Variants in BORCS5 observed in about 807,000 individuals in gnomAD.
The protein encoded by BORCS5 is BLOC-1-related complex subunit 5.
BORCS5 carries 17 observed loss-of-function variants against 22.1 expected under a neutral mutation model. The ratio of observed to expected loss-of-function variants is 0.77; its 90% confidence interval spans 0.53 to 1.15. The LOEUF is 1.15. Among genes scored for constraint, BORCS5 ranks in the 50% most tolerant of loss-of-function variants. BORCS5 has a pLI of 0.00. For missense variants in BORCS5, 247 were observed against 253.2 expected (o/e 0.98, Z 0.17); for synonymous variants, 117 against 99.8 (o/e 1.17, Z -1.03).
At chr12:12,435,182 TCAGA>T (rs1305943747) in intron 2 of BORCS5, among the ~76,000 whole-genome samples, 2 of 152,222 alleles carry the variant, frequency 1.3e-5, no homozygotes, top group Non-Finnish European at 2.9e-5. Context: ...TCTCAGTTTT[TCAGA>T]CAACCATTTT....
intron 3 of BORCS5, among the ~76,000 whole-genome samples, chr12:12,461,979 C>T (rs532656772): frequency 7.2e-5 from 11 of 152,166 alleles, no homozygotes; most frequent in Non-Finnish European, 1.3e-4. Flanking sequence ...TGTTTCTGGG[C>T]CTGAGTTTCC....
chr12:12,439,040 G>A (rs1192003355), intron 3 of BORCS5, among the ~76,000 whole-genome samples: 1 of 152,096 alleles, frequency 6.6e-6, no homozygotes, highest in Admixed American at 6.5e-5. Flanking sequence ...GCCTTATTTT[G>A]AATTTTACCA....
intron 2 of BORCS5, among the ~76,000 whole-genome samples, chr12:12,398,161 C>T (rs913281835): frequency 1.3e-5 from 2 of 152,148 alleles, no homozygotes; most frequent in Non-Finnish European, 2.9e-5. Context: ...ACAGGGAAAA[C>T]AATGCAGTGA....
In BORCS5 at chr12:12,465,461, T is replaced by C. The variant is rs1943182942; in HGVS notation, c.361-85T>C. 4 of 1,169,466 alleles carry C rather than the reference T, an allele frequency of 3.4e-6. No homozygotes were observed. The South Asian group carries it at 4.1e-5, about 12-fold the overall frequency. 72.4% of individuals were successfully genotyped at this position (1,169,466 alleles called of 1,614,324 possible). ...TCAGCTTCCACTGGATCTGCGGGAC[T>C]GTGTCCCTCACAGGCTGGACACCCG... On this transcript the variant is annotated intron_variant, in intron 3 of 3. Transcript: ENST00000314565.
Position 12,425,333 on chromosome 12 carries a change from T to C in BORCS5, c.203-10295T>C, listed in dbSNP as rs558215722. On this transcript the variant is annotated intron_variant, in intron 2 of 3. Coordinates refer to ENST00000314565, the MANE Select transcript of BORCS5 (RefSeq NM_058169.6). ...ATCAGACAGAGTGCACCAGTGCAAT[T>C]ATTTAGTTGGGAAGATAAATTCCTG... is the stretch of plus-strand genomic sequence containing the variant. Among the ~76,000 whole-genome samples the C allele has an allele frequency of 9.2e-5, 14 of 152,348 alleles. 1 individual carries two copies. The South Asian group carries it at 2.9e-3, about 32-fold the overall frequency.
chr12:12,414,169 C>CA (rs1241422067), intron 2 of BORCS5, among the ~76,000 whole-genome samples: 1 of 100,576 alleles, frequency 9.9e-6, no homozygotes, highest in Non-Finnish European at 2.1e-5. Flanking sequence ...CTGACCCCCC[C>CA]ACCTCCCTCC....
intron 2 of BORCS5, among the ~76,000 whole-genome samples, chr12:12,379,618 T>A (rs1423926022): frequency 6.6e-6 from 1 of 151,422 alleles, no homozygotes; most frequent in Non-Finnish European, 1.5e-5. Context: ...CATTAAGCAA[T>A]CCACTAGAAT....
intron 2 of BORCS5, among the ~76,000 whole-genome samples, chr12:12,406,053 G>T (rs370611406): frequency 6.6e-6 from 1 of 152,204 alleles, no homozygotes; most frequent in African/African-American, 2.4e-5. Context: ...TTTGCCACAG[G>T]GATTGCTTCT....
At chr12:12,374,068 A>T (rs1306534877) in intron 2 of BORCS5, among the ~76,000 whole-genome samples, 1 of 146,146 alleles carries the variant, frequency 6.8e-6, no homozygotes, top group African/African-American at 2.7e-5. Context: ...GCTCACTGCA[A>T]GCTCTGCCTC....
chr12:12,426,952 C>T (rs535087514), intron 2 of BORCS5, among the ~76,000 whole-genome samples: 2 of 152,096 alleles, frequency 1.3e-5, no homozygotes, highest in Non-Finnish European at 2.9e-5. Flanking sequence ...TCTGCACTTG[C>T]AGTTTCTTCT....
At chr12:12,394,480 G>A (rs999714641) in intron 2 of BORCS5, among the ~76,000 whole-genome samples, 2 of 151,918 alleles carry the variant, frequency 1.3e-5, no homozygotes, top group Non-Finnish European at 2.9e-5. Context: ...GCTGTTCAGG[G>A]AGTTGGAATT....
chr12:12,431,552 C>T (rs1942426991), intron 2 of BORCS5, among the ~76,000 whole-genome samples: 1 of 151,944 alleles, frequency 6.6e-6, no homozygotes, highest in Non-Finnish European at 1.5e-5. Context: ...CAGGTGCCTG[C>T]CACCATGCCC....
In BORCS5 at chr12:12,465,952, T is replaced by C. The variant is rs1301330573; in HGVS notation, c.*176T>C. On this transcript the variant is annotated 3_prime_UTR_variant, in exon 4 of 4. Coordinates refer to ENST00000314565, the MANE Select transcript of BORCS5 (RefSeq NM_058169.6). Reference sequence around the variant, plus strand: ...GACTTTGCCCAGCTCTTTTCCTTGATGCAGTTTCCCGGTGTGGAAGGAACC... The same window carrying C: ...GACTTTGCCCAGCTCTTTTCCTTGACGCAGTTTCCCGGTGTGGAAGGAACC... The C allele has an allele frequency of 1.7e-6, 1 of 593,872 alleles. No homozygotes were observed. The highest frequency in any genetic ancestry group is 3.0e-6 in the Non-Finnish European group (1 of 335,788). The allele number at this position is 593,872 out of a possible 1,614,324, so 36.8% of individuals were successfully genotyped here. A position where few individuals can be genotyped will look rare whatever the true frequency, so the allele number is the denominator to read the frequency against.
intron 2 of BORCS5, among the ~76,000 whole-genome samples, chr12:12,428,753 G>T (rs933756742): frequency 6.6e-6 from 1 of 151,576 alleles, no homozygotes; most frequent in Non-Finnish European, 1.5e-5. Context: ...CTCAGCAAAA[G>T]AAAAAAAATT....
intron 2 of BORCS5, among the ~76,000 whole-genome samples, chr12:12,373,981 CTTTTT>C (rs926893487): frequency 2.6e-4 from 23 of 89,792 alleles, no homozygotes; most frequent in African/African-American, 1.0e-3. Flanking sequence ...AGAGAGTATT[CTTTTT>C]TTTTTTTTTT....
chr12:12,412,900 CTTTTTTTTT>C (rs869045354), intron 2 of BORCS5, among the ~76,000 whole-genome samples: 1,116 of 74,250 alleles, frequency 0.015, 10 homozygotes, highest in African/African-American at 0.047. Context: ...TTGTGGTTTT[CTTTTTTTTT>C]TTTTTTTTTT....
rs116773089 is a variant in BORCS5, at chr12:12,406,807, T to A, written c.203-28821T>A. 1.9e-3 allele frequency among the ~76,000 whole-genome samples: 292 copies of A among 152,004 alleles called. 2 individuals are homozygous for A. The highest frequency in any genetic ancestry group is 6.2e-3 in the African/African-American group (259 of 41,462). ...CATGTGTTAAACACCTTTTTTTTTTTAAATAAAAAGAACACTTTCAGCTCC... is the reference window on the plus strand; with the variant it reads ...CATGTGTTAAACACCTTTTTTTTTTAAAATAAAAAGAACACTTTCAGCTCC... On this transcript the variant is annotated intron_variant, in intron 2 of 3. Coordinates refer to ENST00000314565, the MANE Select transcript of BORCS5 (RefSeq NM_058169.6).
At chr12:12,427,521 G>A (rs913543492) in intron 2 of BORCS5, among the ~76,000 whole-genome samples, 1 of 152,144 alleles carries the variant, frequency 6.6e-6, no homozygotes, top group African/African-American at 2.4e-5. Flanking sequence ...GTGCCTTTGA[G>A]AACTAGAGTT....
intron 3 of BORCS5, 115 bp from the exon 4 acceptor site, chr12:12,465,431 A>G (rs1176503341): frequency 2.2e-6 from 2 of 898,918 alleles, no homozygotes; most frequent in Non-Finnish European, 3.5e-6. Flanking sequence ...TTCCTGTAAA[A>G]CTTGTCAGCT....
Sources: allele counts gnomAD v4.1 joint callset (sites outside exome capture counted in the v4.1 genomes callset), GRCh38; gene constraint gnomAD v4.1.1; transcripts MANE v1.5; gene names NCBI Gene and HGNC (gene_info 2026-07-23, HGNC 2026-07-21).